CARS1: variants seen among roughly 807,000 people sequenced by gnomAD.
CARS1 encodes cysteine--tRNA ligase, cytoplasmic.
CARS1 carries 48 observed loss-of-function variants against 106.2 expected under a neutral mutation model. That is an observed-to-expected ratio of 0.45 (90% CI 0.36 to 0.57). The LOEUF (loss-of-function observed/expected upper bound fraction) is 0.57. Ranked by LOEUF, CARS1 falls within the 20% of genes least tolerant of loss-of-function variation. CARS1 has a pLI of 0.00. For synonymous variants in CARS1, 409 were observed against 403.4 expected, an observed-to-expected ratio of 1.01 and a Z score of -0.17; for missense variants, 968 against 1,057.2, an observed-to-expected ratio of 0.92 and a Z score of 1.17.
At chr11:3,042,330 A>T in intron 2 of CARS1, 74 bp from the exon 3 acceptor site, 1 of 1,064,096 alleles carries the variant, frequency 9.4e-7, no homozygotes, top group Non-Finnish European at 1.4e-6. Context: ...TCACCTGGAG[A>T]CTTGGTTTTT....
In CARS1 at chr11:3,010,671, C is replaced by T. The variant is rs548095466; in HGVS notation, c.2068+1524G>A. Among the ~76,000 whole-genome samples, 41 of 152,346 alleles carry T rather than the reference C, an allele frequency of 2.7e-4. No homozygotes were observed. The East Asian group carries it at 7.5e-3, about 28-fold the overall frequency. ...CTCCTCTCACCCAGTGTCCTGCACT[C>T]TCCTGCAGCCTGTGGAGCCCCGAGC... On this transcript the variant is annotated intron_variant, in intron 18 of 22. Transcript: ENST00000380525.
rs1853336182 is a variant in CARS1, at chr11:3,034,553, C to T, written c.801+3497G>A. On this transcript the variant is annotated intron_variant, in intron 7 of 22. Transcript: ENST00000380525. This position sits in a 1 kb window ranked among gnomAD's most constrained non-coding sequence, Gnocchi z 6.3. Reference sequence around the variant, plus strand: ...GGTAAAATTTTTTTTCTTTTTGAGACGGAGTCTTGCTTCGTCGCCAGGCTG... The same window carrying T: ...GGTAAAATTTTTTTTCTTTTTGAGATGGAGTCTTGCTTCGTCGCCAGGCTG... 6.6e-6 allele frequency among the ~76,000 whole-genome samples: 1 copy of T among 151,050 alleles called. No individual in the cohort carries two copies. The highest frequency in any genetic ancestry group is 2.4e-5 in the African/African-American group (1 of 41,008).
At position 3,019,446 on chromosome 11, in the gene CARS1, A is replaced by G. The variant is rs532515461; in HGVS notation, c.1267-179T>C. 6.6e-5 allele frequency among the ~76,000 whole-genome samples: 10 copies of G among 152,328 alleles called. No individual in the cohort carries two copies. In the South Asian group the frequency reaches 2.1e-3, roughly 32 times the overall value. On this transcript the variant is annotated intron_variant, in intron 11 of 22. Coordinates refer to ENST00000380525, the MANE Select transcript of CARS1 (RefSeq NM_001014437.3). The surrounding 1 kb of genome is among the most constrained non-coding windows in gnomAD (Gnocchi z 6.2). ...CGAGATGGCTCACACCTGTAATCCCAGCACTTTGCGATGCCGAGGCAGACG... is the reference window on the plus strand; with the variant it reads ...CGAGATGGCTCACACCTGTAATCCCGGCACTTTGCGATGCCGAGGCAGACG...
At chr11:3,025,197 T>A (rs1252473964) in intron 10 of CARS1, among the ~76,000 whole-genome samples, 4 of 152,176 alleles carry the variant, frequency 2.6e-5, no homozygotes, top group Non-Finnish European at 5.9e-5. Flanking sequence ...GCTATCTCTA[T>A]CTTTCTTCAG....
intron 10 of CARS1, among the ~76,000 whole-genome samples, chr11:3,023,840 C>G (rs1851797046): frequency 6.6e-6 from 1 of 152,008 alleles, no homozygotes; most frequent in African/African-American, 2.4e-5. Context: ...CTATTTCTTT[C>G]TACTTCTTCT....
rs1159812176 is a variant in CARS1 at position 3,020,411 on chromosome 11, G to A, written c.1154-79C>T. 1.7e-5 allele frequency: 14 copies of A among 808,650 alleles called. No individual in the cohort carries two copies. The highest frequency in any genetic ancestry group is 7.3e-5 in the Admixed American group (4 of 54,774). 50.1% of individuals were successfully genotyped at this position (808,650 alleles called of 1,614,324 possible). On this transcript the variant is annotated intron_variant, in intron 10 of 22. Transcript: ENST00000380525. This position sits in a 1 kb window ranked among gnomAD's most constrained non-coding sequence, Gnocchi z 4.6. ...CATGTCTCACTTCAAGGCCATCCAC[G>A]GTGCCTAATGGGCAGTCCTTCTGAC...
rs1310295023 is a variant in CARS1 at position 3,034,887 on chromosome 11, A to G, written c.801+3163T>C. On this transcript the variant is annotated intron_variant, in intron 7 of 22. Transcript: ENST00000380525. This position sits in a 1 kb window ranked among gnomAD's most constrained non-coding sequence, Gnocchi z 6.3. ...TATTTCTTACAATTCTGTAGGCTGG[A>G]AAGTTCAAGGTCAAGGGGCCACATC... Among the ~76,000 whole-genome samples, 1 of 152,136 alleles carries G rather than the reference A, an allele frequency of 6.6e-6. No homozygotes were observed. The highest frequency in any genetic ancestry group is 1.5e-5 in the Non-Finnish European group (1 of 68,036).
At chr11:3,036,613 GT>G (rs771007192) in intron 7 of CARS1, among the ~76,000 whole-genome samples, 5 of 152,180 alleles carry the variant, frequency 3.3e-5, no homozygotes, top group Non-Finnish European at 7.4e-5. Context: ...AAACAATACG[GT>G]GGTTACGCAG....
At chr11:3,010,466 T>C (rs1057201453) in intron 18 of CARS1, among the ~76,000 whole-genome samples, 3 of 152,246 alleles carry the variant, frequency 2.0e-5, no homozygotes, top group African/African-American at 7.2e-5. Flanking sequence ...TGGTCCAGGC[T>C]TGGTTCAGTT....
chr11:3,028,096 G>C lies in CARS1; in HGVS notation c.1031+900C>G, dbSNP rs1385786436. 5 of 291,360 alleles carry C rather than the reference G, an allele frequency of 1.7e-5. No homozygotes were observed. In the East Asian group the frequency reaches 4.9e-4, roughly 29 times the overall value. The allele number at this position is 291,360 out of a possible 1,614,324, so 18.0% of individuals were successfully genotyped here. On this transcript the variant is annotated intron_variant, in intron 9 of 22. Coordinates refer to ENST00000380525, the MANE Select transcript of CARS1 (RefSeq NM_001014437.3). This position sits in a 1 kb window ranked among gnomAD's most constrained non-coding sequence, Gnocchi z 4.4. ...TAGCAAATTAGTGAAAGTACTAAAA[G>C]TCTCTGATATGCAGAAATAATGGCG...
At chr11:3,015,687 G>C (rs1850916863) in intron 17 of CARS1, 94 bp downstream of exon 17, 2 of 1,074,298 alleles carry the variant, frequency 1.9e-6, no homozygotes, top group East Asian at 4.7e-5. Context: ...TGGTGTGGGT[G>C]GGCAGACAGA....
chr11:3,023,348 C>T (rs1851750261), intron 10 of CARS1, among the ~76,000 whole-genome samples: 1 of 152,166 alleles, frequency 6.6e-6, no homozygotes, highest in South Asian at 2.1e-4. Context: ...CTACTATATC[C>T]ATAGTTACAT....
intron 9 of CARS1, 86 bp from the exon 10 acceptor site, chr11:3,026,883 G>A: frequency 1.3e-6 from 2 of 1,483,494 alleles, no homozygotes; most frequent in Non-Finnish European, 1.8e-6. Flanking sequence ...ATAAAGCAGG[G>A]CTATAAAAGT....
In CARS1 at chr11:3,018,638, C is replaced by T; in HGVS notation, c.1507G>A (p.Ala503Thr). 6.2e-7 allele frequency: 1 copy of T among 1,614,192 alleles called. No homozygotes were observed. Among genetic ancestry groups the T allele is most frequent in the Non-Finnish European group, 8.5e-7 (1 of 1,180,018 alleles). Reference sequence around the variant, plus strand: ...TGTATACCTGAGTGCTTTTTCAAGGCATCTTTAATGGTGATGAAGTTTTTT... The same window carrying T: ...TGTATACCTGAGTGCTTTTTCAAGGTATCTTTAATGGTGATGAAGTTTTTT... ...SLKNFITIKD[A>T]LKKHSARQLR... The change falls in exon 13 of 23, where the codon GCC becomes ACC. Residue 503 changes from alanine to threonine, a missense_variant. Transcript: ENST00000380525.
In CARS1 at chr11:3,019,307, C is replaced by T. The variant is rs202064466; in HGVS notation, c.1267-40G>A. 211 of 1,374,214 alleles carry T rather than the reference C, an allele frequency of 1.5e-4. 2 individuals carry two copies. The South Asian group carries it at 3.4e-3, about 22-fold the overall frequency. 85.1% of individuals were successfully genotyped at this position (1,374,214 alleles called of 1,614,324 possible). On this transcript the variant is annotated intron_variant, in intron 11 of 22. Transcript: ENST00000380525. This position sits in a 1 kb window ranked among gnomAD's most constrained non-coding sequence, Gnocchi z 6.2. ...ACACACAGTGACTGACCAGCCTACC[C>T]GCTTGTCCAGGCCTTTATCACTTAT...
rs1355014904 is a variant in CARS1 at position 3,038,004 on chromosome 11, G to C, written c.801+46C>G. 6.3e-7 allele frequency: 1 copy of C among 1,583,980 alleles called. No individual in the cohort carries two copies. Among genetic ancestry groups the C allele is most frequent in the Admixed American group, 1.7e-5 (1 of 57,908 alleles). On this transcript the variant is annotated intron_variant, in intron 7 of 22. Transcript: ENST00000380525. This position sits in a 1 kb window ranked among gnomAD's most constrained non-coding sequence, Gnocchi z 4.0. ...ACACAGATCAGTCTATGCACGGCCC[G>C]ACATTTGACCCGAACGGGCTGTCTG... is the stretch of plus-strand genomic sequence containing the variant.
chr11:3,023,625 C>A (rs1851777962), intron 10 of CARS1, among the ~76,000 whole-genome samples: 1 of 152,140 alleles, frequency 6.6e-6, no homozygotes, highest in Non-Finnish European at 1.5e-5. Context: ...GAATTCCTGG[C>A]CTCAAGCGAT....
chr11:3,012,364 G>T (rs12808132), intron 17 of CARS1, 88 bp from the exon 18 acceptor site: 103,160 of 1,129,986 alleles, frequency 0.091, 5,614 homozygotes, highest in Middle Eastern at 0.13. Context: ...GCGACACAGG[G>T]CAGGGACTGG....
chr11:3,029,690 C>T lies in CARS1; in HGVS notation c.802-247G>A, dbSNP rs1335658585. 31 of 517,894 alleles carry T rather than the reference C, an allele frequency of 6.0e-5. No homozygotes were observed. Among genetic ancestry groups the T allele is most frequent in the Non-Finnish European group, 5.4e-5 (16 of 293,622 alleles). The allele number at this position is 517,894 out of a possible 1,614,324, so 32.1% of individuals were successfully genotyped here. On this transcript the variant is annotated intron_variant, in intron 7 of 22. Transcript: ENST00000380525. The surrounding 1 kb of genome is among the most constrained non-coding windows in gnomAD (Gnocchi z 5.9). ...AGCAAAGCCAAGGGGACTGTGGGTG[C>T]AGAGGCAAAAAGAGGTGGGAGGGCC...
Sources: allele counts gnomAD v4.1 joint callset (sites outside exome capture counted in the v4.1 genomes callset), GRCh38; gene constraint gnomAD v4.1.1; non-coding constraint Gnocchi (gnomAD v3.1); transcripts MANE v1.5; gene names NCBI Gene and HGNC (gene_info 2026-07-23, HGNC 2026-07-21).